VPS13A: variants seen among roughly 807,000 people sequenced by gnomAD.
VPS13A encodes the protein intermembrane lipid transfer protein VPS13A.
A neutral mutation model predicts 390.9 loss-of-function variants in VPS13A; 264 were observed. That is an observed-to-expected ratio of 0.68 (90% CI 0.61 to 0.75). The LOEUF (loss-of-function observed/expected upper bound fraction) is 0.75. VPS13A is among the 30% of genes least tolerant of loss of function. VPS13A has a pLI of 0.00. For synonymous variants in VPS13A, 1,231 were observed against 1,227.1 expected, an observed-to-expected ratio of 1.00 and a Z score of -0.07; for missense variants, 3,409 against 3,733.9, an observed-to-expected ratio of 0.91 and a Z score of 2.27.
chr9:77,233,013 A>G (rs1312832054), intron 17 of VPS13A, among the ~76,000 whole-genome samples: 1 of 152,210 alleles, frequency 6.6e-6, no homozygotes, highest in Non-Finnish European at 1.5e-5. Flanking sequence ...GTAAAGTTTT[A>G]CTGATAGTTT....
chr9:77,414,785 G>C (rs190469282), intron 71 of VPS13A, among the ~76,000 whole-genome samples: 11 of 138,936 alleles, frequency 7.9e-5, no homozygotes, highest in Admixed American at 6.7e-4. Flanking sequence ...TAGAGTAAGA[G>C]GACATTTCTC....
At chr9:77,223,752 G>A (rs2131187232) in intron 13 of VPS13A, among the ~76,000 whole-genome samples, 1 of 152,280 alleles carries the variant, frequency 6.6e-6, no homozygotes, top group Non-Finnish European at 1.5e-5. Context: ...AAGTGCTGAT[G>A]GAGAAGCTGC....
chr9:77,252,196 T>C (rs761449310), intron 21 of VPS13A, 39 bp from the exon 22 acceptor site: 1 of 1,486,630 alleles, frequency 6.7e-7, no homozygotes, highest in South Asian at 1.1e-5. Context: ...GTTTTGTGTG[T>C]TATAGTTACG....
At chr9:77,347,260 G>A (rs757505486) in intron 52 of VPS13A, among the ~76,000 whole-genome samples, 3 of 152,040 alleles carry the variant, frequency 2.0e-5, no homozygotes, top group Non-Finnish European at 2.9e-5. Flanking sequence ...CATTGAATCT[G>A]TAGATTGCTT....
intron 35 of VPS13A, 93 bp downstream of exon 35, chr9:77,308,191 C>A: frequency 7.4e-7 from 1 of 1,349,088 alleles, no homozygotes; most frequent in Non-Finnish European, 1.1e-6. Context: ...CTTTTCCCTC[C>A]TTCCTCCCCT....
chr9:77,177,554 T>G lies in VPS13A; in HGVS notation c.-151T>G, dbSNP rs1823704542. The G allele has an allele frequency of 5.8e-6, 4 of 694,732 alleles. No individual in the cohort carries two copies. The African/African-American group carries it at 7.2e-5, about 12-fold the overall frequency. The allele number at this position is 694,732 out of a possible 1,614,324, so 43.0% of individuals were successfully genotyped here. A position where few individuals can be genotyped will look rare whatever the true frequency, so the allele number is the denominator to read the frequency against. On this transcript the variant is annotated 5_prime_UTR_variant, in exon 1 of 72. Transcript: ENST00000360280. ...CGACCGCCTCCGTCTCTCGCTGGGC[T>G]CGCTAGGGCTGCGCGTTGGGCCAGC... is the stretch of plus-strand genomic sequence containing the variant.
chr9:77,224,356 T>A (rs1823390336), intron 13 of VPS13A, among the ~76,000 whole-genome samples: 1 of 152,202 alleles, frequency 6.6e-6, no homozygotes, highest in African/African-American at 2.4e-5. Flanking sequence ...ATCATTCCTC[T>A]GATGGATCTG....
intron 41 of VPS13A, 117 bp downstream of exon 41, chr9:77,318,708 T>C (rs1158019265): frequency 4.6e-6 from 5 of 1,087,562 alleles, no homozygotes; most frequent in Non-Finnish European, 6.8e-6. Flanking sequence ...TTATTGTAAA[T>C]ATGATATTGG....
At chr9:77,401,723 T>G (rs1834405067) in intron 68 of VPS13A, among the ~76,000 whole-genome samples, 1 of 152,210 alleles carries the variant, frequency 6.6e-6, no homozygotes, top group Non-Finnish European at 1.5e-5. Flanking sequence ...CAAAATTATT[T>G]GCATAATTTA....
chr9:77,399,460 A>G (rs17063594), intron 68 of VPS13A, among the ~76,000 whole-genome samples: 4,381 of 152,240 alleles, frequency 0.029, 212 homozygotes, highest in African/African-American at 0.099. Context: ...GCTTAATTAC[A>G]ATGCCCAAAC....
intron 34 of VPS13A, among the ~76,000 whole-genome samples, chr9:77,306,623 A>C (rs2096050275): frequency 6.6e-6 from 1 of 152,024 alleles, no homozygotes; most frequent in African/African-American, 2.4e-5. Context: ...TGCTTAGAGG[A>C]GGTCAGTCTT....
intron 69 of VPS13A, 142 bp from the exon 70 acceptor site, chr9:77,405,722 T>A: frequency 8.8e-7 from 1 of 1,138,902 alleles, no homozygotes; most frequent in East Asian, 2.6e-5. Context: ...GTTCCAGTTC[T>A]TTTAAATTCA....
chr9:77,248,239 A>C (rs556801894), intron 20 of VPS13A, among the ~76,000 whole-genome samples: 286 of 149,974 alleles, frequency 1.9e-3, no homozygotes, highest in Non-Finnish European at 3.0e-3. Flanking sequence ...TTTTTGAGAC[A>C]GAGTCTGGCT....
At chr9:77,314,944 CTAATA>C (rs1412278771) in intron 37 of VPS13A, among the ~76,000 whole-genome samples, 3 of 152,016 alleles carry the variant, frequency 2.0e-5, no homozygotes, top group African/African-American at 4.8e-5. Context: ...TAATATAAAT[CTAATA>C]TAAGTTATTG....
intron 21 of VPS13A, among the ~76,000 whole-genome samples, chr9:77,251,206 C>A (rs946667396): frequency 6.6e-6 from 1 of 152,104 alleles, no homozygotes; most frequent in Non-Finnish European, 1.5e-5. Context: ...GGCAGAAGTA[C>A]GTTATTTTCA....
chr9:77,360,212 G>C (rs1037731269), intron 58 of VPS13A, among the ~76,000 whole-genome samples: 1 of 151,940 alleles, frequency 6.6e-6, no homozygotes, highest in Non-Finnish European at 1.5e-5. Context: ...GTTGGGACTT[G>C]CTTTTGTTCA....
At chr9:77,395,448 C>A (rs1834082344) in intron 68 of VPS13A, among the ~76,000 whole-genome samples, 1 of 151,952 alleles carries the variant, frequency 6.6e-6, no homozygotes, top group African/African-American at 2.4e-5. Context: ...TCACAGATCA[C>A]CATAACAGAT....
In VPS13A at chr9:77,220,314, T is replaced by C. The variant is rs781628464; in HGVS notation, c.920T>C (p.Met307Thr). 3 of 1,612,590 alleles carry C rather than the reference T, an allele frequency of 1.9e-6. No homozygotes were observed. Among genetic ancestry groups the C allele is most frequent in the East Asian group, 2.2e-5 (1 of 44,818 alleles). Residue 307 changes from methionine to threonine, a missense_variant, in exon 12 of 72, where the codon ATG (methionine) becomes ACG (threonine). Physicochemically the swap from Met to Thr is moderately conservative, Grantham distance 81. Coordinates refer to ENST00000360280, the MANE Select transcript of VPS13A (RefSeq NM_033305.3). ...ATGGAGCTTCTTGAATCAGTTGATA[T>C]GATGGCACAAAATCTGCCATATAGG... ...SIMELLESVD[M>T]MAQNLPYRKF...
Position 77,178,110 on chromosome 9 carries a change from G to A in VPS13A, c.100+306G>A. ...TCTGGCGTTCAAGTCCCGGCGAGGG[G>A]CCGTTCTCTACCCCTGGCCCCGCAC... On this transcript the variant is annotated intron_variant, in intron 1 of 71. Coordinates refer to ENST00000360280, the MANE Select transcript of VPS13A (RefSeq NM_033305.3). The A allele has an allele frequency of 1.4e-5, 5 of 360,836 alleles. 1 individual carries two copies. Among genetic ancestry groups the A allele is most frequent in the South Asian group, 9.2e-5 (4 of 43,546 alleles). 22.4% of individuals were successfully genotyped at this position (360,836 alleles called of 1,614,324 possible).
Sources: allele counts gnomAD v4.1 joint callset (sites outside exome capture counted in the v4.1 genomes callset), GRCh38; gene constraint gnomAD v4.1.1; transcripts MANE v1.5; gene names NCBI Gene and HGNC (gene_info 2026-07-23, HGNC 2026-07-21).